The following SEZ6L variants were observed in gnomAD, a reference collection of about 807,000 sequenced individuals.
SEZ6L encodes seizure related 6 homolog like.
Under a neutral mutation model 106.2 loss-of-function variants are expected in SEZ6L, and 37 were observed. The ratio of observed to expected loss-of-function variants is 0.35; its 90% CI spans 0.27 to 0.46. The LOEUF (loss-of-function observed/expected upper bound fraction) is 0.46. Ranked by LOEUF, SEZ6L falls within the 20% of genes least tolerant of loss-of-function variation. The probability of loss-of-function intolerance (pLI) is 1.00; values close to 1 mark genes in which losing one functional copy is unlikely to be tolerated. For synonymous variants in SEZ6L, 541 were observed against 570.4 expected (o/e 0.95, Z 0.73); for missense variants, 1,172 against 1,332.8 (o/e 0.88, Z 1.88).
At chr22:26,251,338 G>GTT (rs5844679) in intron 1 of SEZ6L, among the ~76,000 whole-genome samples, 1 of 149,232 alleles carries the variant, frequency 6.7e-6, no homozygotes. Context: ...TTTGTTGAAA[G>GTT]TTTTTTTTTT....
chr22:26,249,957 T>C (rs1378399126), intron 1 of SEZ6L, among the ~76,000 whole-genome samples: 1 of 152,216 alleles, frequency 6.6e-6, no homozygotes, highest in Non-Finnish European at 1.5e-5. Flanking sequence ...CTGTTGGCCA[T>C]TTACATGTCT....
intron 12 of SEZ6L, among the ~76,000 whole-genome samples, chr22:26,352,160 C>CAAAAAAAAAAA (rs3071657): frequency 8.3e-6 from 1 of 121,186 alleles, no homozygotes. Flanking sequence ...GACCCTGCCT[C>CAAAAAAAAAAA]AAAAAAAAAA....
intron 1 of SEZ6L, among the ~76,000 whole-genome samples, chr22:26,259,857 T>G (rs778979558): frequency 1.3e-5 from 2 of 152,222 alleles, no homozygotes; most frequent in Non-Finnish European, 2.9e-5. Flanking sequence ...TTGTGATTTA[T>G]GTGCTATTAA....
chr22:26,330,641 C>G (rs2082451637), intron 9 of SEZ6L, among the ~76,000 whole-genome samples: 1 of 152,108 alleles, frequency 6.6e-6, no homozygotes, highest in Non-Finnish European at 1.5e-5. Flanking sequence ...TGTGGACTTC[C>G]TGGGAGGTCA....
intron 7 of SEZ6L, among the ~76,000 whole-genome samples, 157 bp downstream of exon 7, chr22:26,310,993 TTAA>T (rs1468171695): frequency 6.6e-6 from 1 of 152,222 alleles, no homozygotes; most frequent in Non-Finnish European, 1.5e-5. Context: ...CTTGGTTTCA[TTAA>T]TAATAACAAT....
chr22:26,194,069 T>A (rs980228166), intron 1 of SEZ6L, among the ~76,000 whole-genome samples: 6 of 152,154 alleles, frequency 3.9e-5, no homozygotes, highest in African/African-American at 1.4e-4. Context: ...TGATCCCTCC[T>A]AGATCCCAAA....
At chr22:26,355,882 C>G (rs1425163667) in intron 12 of SEZ6L, among the ~76,000 whole-genome samples, 1 of 152,222 alleles carries the variant, frequency 6.6e-6, no homozygotes, top group African/African-American at 2.4e-5. Context: ...CCCCAGGGCA[C>G]TTTAAGAACA....
At chr22:26,341,767 C>T (rs947236053) in intron 10 of SEZ6L, among the ~76,000 whole-genome samples, 1 of 152,232 alleles carries the variant, frequency 6.6e-6, no homozygotes, top group Admixed American at 6.5e-5. Flanking sequence ...CTGCTTCCTC[C>T]TTCCTTGCCC....
intron 11 of SEZ6L, among the ~76,000 whole-genome samples, chr22:26,350,511 C>T (rs2146020519): frequency 6.6e-6 from 1 of 152,158 alleles, no homozygotes; most frequent in Admixed American, 6.5e-5. Context: ...GGATTACAGG[C>T]ATGAGCTACC....
intron 9 of SEZ6L, among the ~76,000 whole-genome samples, chr22:26,315,916 A>G (rs1371881599): frequency 2.0e-5 from 3 of 151,682 alleles, no homozygotes; most frequent in African/African-American, 7.3e-5. Flanking sequence ...AAAACTAGCC[A>G]GGCATGGTGG....
rs528192021 is a variant in SEZ6L, at chr22:26,189,670, C to T, written c.94+19907C>T. On this transcript the variant is annotated intron_variant, in intron 1 of 16. Coordinates refer to ENST00000248933, the MANE Select transcript of SEZ6L (RefSeq NM_021115.5). ...TATGAGATGATGTGCATAAGTTGTA[C>T]GCAAATACTACTCCATTTTCTATAA... is the stretch of plus-strand genomic sequence containing the variant. Among the ~76,000 whole-genome samples, 24 of 152,152 alleles carry T rather than the reference C, an allele frequency of 1.6e-4. No individual in the cohort carries two copies. The South Asian group carries it at 2.9e-3, about 18-fold the overall frequency.
chr22:26,199,611 G>A (rs1305185559), intron 1 of SEZ6L, among the ~76,000 whole-genome samples: 1 of 152,114 alleles, frequency 6.6e-6, no homozygotes, highest in Non-Finnish European at 1.5e-5. Context: ...TGCTTCCAGG[G>A]CATATTTATG....
intron 5 of SEZ6L, among the ~76,000 whole-genome samples, chr22:26,300,608 TA>T (rs2081425699): frequency 6.6e-6 from 1 of 152,218 alleles, no homozygotes; most frequent in African/African-American, 2.4e-5. Flanking sequence ...AGTGCTGCAG[TA>T]AACATACGTG....
intron 12 of SEZ6L, among the ~76,000 whole-genome samples, chr22:26,354,728 G>A (rs961677527): frequency 1.3e-5 from 2 of 152,232 alleles, no homozygotes; most frequent in Non-Finnish European, 2.9e-5. Context: ...AAGACCCTCT[G>A]AGCTGCGGCA....
intron 1 of SEZ6L, among the ~76,000 whole-genome samples, chr22:26,238,559 TG>T (rs1380344929): frequency 1.3e-5 from 2 of 152,184 alleles, no homozygotes; most frequent in East Asian, 3.8e-4. Context: ...GCAGCATAAG[TG>T]GCCAGATAAA....
rs199597034 is a variant in SEZ6L at position 26,293,021 on chromosome 22, C to G, written c.710C>G (p.Thr237Ser). 8.1e-6 allele frequency: 13 copies of G among 1,614,182 alleles called. No individual in the cohort carries two copies. The highest frequency in any genetic ancestry group is 1.3e-5 in the African/African-American group (1 of 75,064). The change falls in exon 2 of 17, where the codon ACC (threonine) becomes AGC (serine). Residue 237 changes from threonine to serine, a missense_variant. Transcript: ENST00000248933. The part of the protein sequence containing the change: ...DMAQEAPQED[T>S]SPMALMDKGE... ...GCCCAGGAGGCCCCCCAGGAGGACA[C>G]CAGCCCCATGGCCCTGATGGACAAA...
At chr22:26,184,506 C>T (rs945963030) in intron 1 of SEZ6L, among the ~76,000 whole-genome samples, 1 of 152,198 alleles carries the variant, frequency 6.6e-6, no homozygotes, top group Non-Finnish European at 1.5e-5. Context: ...ACTGATTCAA[C>T]CCCAAGAAGC....
intron 1 of SEZ6L, among the ~76,000 whole-genome samples, chr22:26,190,103 AAAAAGAAGAAAG>A (rs1325799569): frequency 6.6e-6 from 1 of 151,966 alleles, no homozygotes; most frequent in Non-Finnish European, 1.5e-5. Flanking sequence ...TCTAAAAAAA[AAAAAGAAGAAAG>A]AAAAGAAAAA....
intron 1 of SEZ6L, among the ~76,000 whole-genome samples, chr22:26,264,152 G>C (rs1414606927): frequency 2.0e-5 from 3 of 152,224 alleles, no homozygotes; most frequent in Non-Finnish European, 4.4e-5. Flanking sequence ...AGTAAACTCA[G>C]GGTCATTCCA....
Sources: allele counts gnomAD v4.1 joint callset (sites outside exome capture counted in the v4.1 genomes callset), GRCh38; gene constraint gnomAD v4.1.1; transcripts MANE v1.5; gene names NCBI Gene and HGNC (gene_info 2026-07-23, HGNC 2026-07-21).